The following CDR2 variants were observed in gnomAD, a reference collection of about 807,000 sequenced individuals.
CDR2 encodes cerebellar degeneration related protein 2, also known as cerebellar degeneration-related protein 2.
A neutral mutation model predicts 48.4 loss-of-function variants in CDR2; 34 were observed. The observed-to-expected ratio is 0.70, with a 90% CI of 0.53 to 0.94. The LOEUF (loss-of-function observed/expected upper bound fraction) is 0.94, where lower values mean the gene tolerates loss of function less well. Ranked by LOEUF, CDR2 falls within the 40% of genes least tolerant of loss-of-function variation. CDR2 has a pLI of 0.00. For missense variants in CDR2, 498 were observed against 549.5 expected (o/e 0.91, Z 0.94); for synonymous variants, 240 against 219.7 (o/e 1.09, Z -0.82).
chr16:22,364,802 T>C (rs1433606772), intron 2 of CDR2, 100 bp downstream of exon 2: 2 of 658,020 alleles, frequency 3.0e-6, no homozygotes, highest in Non-Finnish European at 5.4e-6. Flanking sequence ...AAAAATAAAA[T>C]GCTGCATCTA....
At chr16:22,358,962 C>T (rs754155707) in intron 2 of CDR2, among the ~76,000 whole-genome samples, 1 of 152,098 alleles carries the variant, frequency 6.6e-6, no homozygotes, top group Non-Finnish European at 1.5e-5. Flanking sequence ...AAAAGATACG[C>T]AATATTCCCA....
chr16:22,349,720 AG>A lies in CDR2; in HGVS notation c.321del (p.Ser108HisfsTer6). On this transcript the variant is annotated frameshift_variant, in exon 3 of 5. Coordinates refer to ENST00000268383, the MANE Select transcript of CDR2 (RefSeq NM_001802.2). LOFTEE classifies it high-confidence loss of function. ...ATTTACCTCAGAATCTTTTGCTGTG[AG>A]GCCTTGCTGTCAGCAACTAGCTTTT... ...TNQKLVADSK[A>X]SQQKILSLTE... The A allele has an allele frequency of 6.2e-7, 1 of 1,614,084 alleles. No homozygotes were observed. The highest frequency in any genetic ancestry group is 8.5e-7 in the Non-Finnish European group (1 of 1,179,992).
At chr16:22,353,936 CA>C (rs1247213070) in intron 2 of CDR2, among the ~76,000 whole-genome samples, 2 of 152,150 alleles carry the variant, frequency 1.3e-5, no homozygotes, top group African/African-American at 4.8e-5. Context: ...TCCTCCCTGA[CA>C]TATACAAATA....
At chr16:22,363,036 T>C (rs1187909912) in intron 2 of CDR2, among the ~76,000 whole-genome samples, 2 of 151,234 alleles carry the variant, frequency 1.3e-5, no homozygotes, top group East Asian at 3.9e-4. Context: ...CACTGCAACC[T>C]TCACCTCCCG....
chr16:22,364,602 C>T (rs2049032776), intron 2 of CDR2, among the ~76,000 whole-genome samples: 1 of 152,092 alleles, frequency 6.6e-6, no homozygotes, highest in Non-Finnish European at 1.5e-5. Flanking sequence ...GTGGCCCATG[C>T]CTGTAATCCC....
intron 1 of CDR2, among the ~76,000 whole-genome samples, chr16:22,370,933 C>T (rs947470149): frequency 6.6e-6 from 1 of 152,196 alleles, no homozygotes; most frequent in African/African-American, 2.4e-5. Context: ...TGTTTTCCAG[C>T]CAGGTGCGGT....
chr16:22,365,811 T>C (rs142686204), intron 1 of CDR2, among the ~76,000 whole-genome samples: 210 of 152,358 alleles, frequency 1.4e-3, no homozygotes, highest in African/African-American at 4.8e-3. Context: ...ATTGAAATAC[T>C]TCTTTGCATA....
chr16:22,368,605 T>C (rs950324442), intron 1 of CDR2, among the ~76,000 whole-genome samples: 27 of 152,208 alleles, frequency 1.8e-4, no homozygotes, highest in African/African-American at 2.9e-4. Flanking sequence ...AAACTGTTAA[T>C]TGACCTAATC....
chr16:22,371,456 G>C (rs2049075358), intron 1 of CDR2, among the ~76,000 whole-genome samples: 1 of 152,188 alleles, frequency 6.6e-6, no homozygotes, highest in African/African-American at 2.4e-5. Context: ...CTTCTCTAGT[G>C]AACAGATTCC....
Position 22,361,745 on chromosome 16 carries a change from C to T in CDR2, c.192+3157G>A, listed in dbSNP as rs184600737. 3.3e-5 allele frequency among the ~76,000 whole-genome samples: 5 copies of T among 152,272 alleles called. No individual in the cohort carries two copies. In the East Asian group the frequency reaches 9.6e-4, roughly 29 times the overall value. On this transcript the variant is annotated intron_variant, in intron 2 of 4. Coordinates refer to ENST00000268383, the MANE Select transcript of CDR2 (RefSeq NM_001802.2). ...GAGAGTAATTATTCTTAGCCAAAAA[C>T]AGCTTTGGATAAAGAGTAAAATACT...
At chr16:22,361,488 G>C (rs895909643) in intron 2 of CDR2, among the ~76,000 whole-genome samples, 22 of 152,286 alleles carry the variant, frequency 1.4e-4, no homozygotes, top group Middle Eastern at 3.4e-3. Context: ...CATTCTTTTA[G>C]GCTATTAGAG....
intron 2 of CDR2, among the ~76,000 whole-genome samples, chr16:22,360,220 T>C (rs576360159): frequency 3.6e-4 from 55 of 152,186 alleles, no homozygotes; most frequent in African/African-American, 1.3e-3. Context: ...AGTTCTCTCC[T>C]CCCCTCCTTC....
intron 1 of CDR2, among the ~76,000 whole-genome samples, chr16:22,372,251 C>T (rs1446610484): frequency 2.0e-5 from 3 of 152,082 alleles, no homozygotes; most frequent in Non-Finnish European, 4.4e-5. Context: ...CTCGTGTAAC[C>T]CTGACACGTT....
chr16:22,350,814 G>C (rs1227468226), intron 2 of CDR2, among the ~76,000 whole-genome samples: 1 of 152,028 alleles, frequency 6.6e-6, no homozygotes, highest in Admixed American at 6.6e-5. Flanking sequence ...AAAAAACATG[G>C]AACATGTGAT....
intron 1 of CDR2, 149 bp from the exon 2 acceptor site, chr16:22,365,163 AT>A (rs1289816132): frequency 1.7e-6 from 1 of 587,460 alleles, no homozygotes; most frequent in African/African-American, 1.9e-5. Context: ...TCTACTTAAA[AT>A]TCAGTTAAAC....
chr16:22,353,654 C>A (rs577754183), intron 2 of CDR2, among the ~76,000 whole-genome samples: 14 of 152,124 alleles, frequency 9.2e-5, no homozygotes, highest in Non-Finnish European at 1.8e-4. Context: ...CCTTTATCAC[C>A]ACTTACTTGC....
At chr16:22,364,144 C>T (rs1466592655) in intron 2 of CDR2, among the ~76,000 whole-genome samples, 2 of 151,920 alleles carry the variant, frequency 1.3e-5, no homozygotes, top group Non-Finnish European at 1.5e-5. Context: ...GGTTTTACCA[C>T]GTTGCCCAGG....
chr16:22,349,707 A>G lies in CDR2; in HGVS notation c.335T>C (p.Ile112Thr), dbSNP rs1567343852. 1 of 1,613,966 alleles carries G rather than the reference A, an allele frequency of 6.2e-7. No homozygotes were observed. The highest frequency in any genetic ancestry group is 8.5e-7 in the Non-Finnish European group (1 of 1,179,954). The change falls in exon 3 of 5, where the codon ATT (isoleucine) becomes ACT (threonine). Residue 112 changes from isoleucine to threonine, a missense_variant. By Grantham distance (89) the Ile-to-Thr change is moderately conservative. Coordinates refer to ENST00000268383, the MANE Select transcript of CDR2 (RefSeq NM_001802.2). ...VADSKASQQK[I>T]LSLTETIECL... ...CAGATTCTAGAAAATTTACCTCAGA[A>G]TCTTTTGCTGTGAGGCCTTGCTGTC...
Position 22,373,167 on chromosome 16 carries a change from TAA to T in CDR2, c.79+1062_79+1063del, listed in dbSNP as rs1377662456. ...TATGGGCCTATCAGTGTTAGGCACATAAAAAGTGTTCCCCAACTGCTAGCTCC... is the reference window on the plus strand; with the variant it reads ...TATGGGCCTATCAGTGTTAGGCACATAAAGTGTTCCCCAACTGCTAGCTCC... On this transcript the variant is annotated intron_variant, in intron 1 of 4. Coordinates refer to ENST00000268383, the MANE Select transcript of CDR2 (RefSeq NM_001802.2). Among the ~76,000 whole-genome samples, 7 of 152,230 alleles carry T rather than the reference TAA, an allele frequency of 4.6e-5. No individual in the cohort carries two copies. In the South Asian group the frequency reaches 8.3e-4, roughly 18 times the overall value.
Sources: allele counts gnomAD v4.1 joint callset (sites outside exome capture counted in the v4.1 genomes callset), GRCh38; gene constraint gnomAD v4.1.1; transcripts MANE v1.5; gene names NCBI Gene and HGNC (gene_info 2026-07-23, HGNC 2026-07-21).